The following XPC variants were observed in gnomAD, a reference collection of about 807,000 sequenced individuals.
XPC encodes the protein DNA repair protein complementing XP-C cells.
Under a neutral mutation model 95.8 loss-of-function variants are expected in XPC, and 76 were observed. The observed-to-expected ratio is 0.79, with a 90% CI of 0.66 to 0.96. The LOEUF (loss-of-function observed/expected upper bound fraction) is 0.96. Among genes scored for constraint, XPC ranks in the 40% least tolerant of loss-of-function variants. The pLI, the probability that XPC is intolerant of heterozygous loss-of-function variation, is 0.00. For missense variants in XPC, 1,146 were observed against 1,179.8 expected, an observed-to-expected ratio of 0.97 and a Z score of 0.42; for synonymous variants, 442 against 442.1, an observed-to-expected ratio of 1.00 and a Z score of 0.00.
At chr3:14,152,791 G>A (rs1695748925) in intron 10 of XPC, 2 of 188,124 alleles carry the variant, frequency 1.1e-5, no homozygotes, top group Non-Finnish European at 2.2e-5. Context: ...ACCACCAAGC[G>A]AACACCTGCT....
At position 14,164,798 on chromosome 3, in the gene XPC, G is replaced by A. The variant is rs369688225; in HGVS notation, c.900+15C>T. On this transcript the variant is annotated intron_variant, in intron 7 of 15. Transcript: ENST00000285021. ...CAGTACTGATAAAAAACAGTGATCCGGGAGGATCACTTACATGGACCAATT... is the reference window on the plus strand; with the variant it reads ...CAGTACTGATAAAAAACAGTGATCCAGGAGGATCACTTACATGGACCAATT... The A allele has an allele frequency of 3.9e-4, 633 of 1,610,182 alleles. 1 individual carries two copies. Among genetic ancestry groups the A allele is most frequent in the Middle Eastern group, 5.0e-4 (3 of 6,046 alleles).
rs1208395215 is a variant in XPC at position 14,145,296 on chromosome 3, T to C, written c.*645A>G. On this transcript the variant is annotated 3_prime_UTR_variant, in exon 16 of 16. Transcript: ENST00000285021. ...ACATTTCCTTAATTTTCAATTCGTA[T>C]TTTTCCTTTTCTTTCCTGATTTTAG... The C allele has an allele frequency of 5.7e-6, 4 of 698,144 alleles. No individual in the cohort carries two copies. Among genetic ancestry groups the C allele is most frequent in the Non-Finnish European group, 7.8e-6 (3 of 383,908 alleles). 43.2% of individuals were successfully genotyped at this position (698,144 alleles called of 1,614,324 possible). A position where few individuals can be genotyped will look rare whatever the true frequency, so the allele number is the denominator to read the frequency against.
In XPC at chr3:14,168,560, T is replaced by C. The variant is rs554635134; in HGVS notation, c.413-180A>G. On this transcript the variant is annotated intron_variant, in intron 3 of 15. Coordinates refer to ENST00000285021, the MANE Select transcript of XPC (RefSeq NM_004628.5). ...TCCTACCATGTGCCGGGCAGTGTGC[T>C]GAGTGTTATATATTCGTGTGTCTCA... Among the ~76,000 whole-genome samples the C allele has an allele frequency of 1.4e-4, 22 of 152,152 alleles. 1 individual carries two copies. The South Asian group carries it at 4.6e-3, about 32-fold the overall frequency.
chr3:14,156,595 G>C, intron 9 of XPC, 100 bp from the exon 10 acceptor site: 2 of 1,534,514 alleles, frequency 1.3e-6, no homozygotes, highest in South Asian at 1.2e-5. Flanking sequence ...ACAACAGATG[G>C]TGGAGCCAAG....
Position 14,159,768 on chromosome 3 carries a change from T to C in XPC, c.963A>G (p.Pro321=). ...LLTRLVLSLQ[P]IPLKSATAKG... ...TTGCTGTTGCTGACTTCAGAGGAAT[T>C]GGCTGTAGAGACAATACCAGCCGGG... The change falls in exon 8 of 16, where the codon CCA becomes CCG. Residue 321 remains proline (P), a synonymous_variant. Coordinates refer to ENST00000285021, the MANE Select transcript of XPC (RefSeq NM_004628.5). 6.4e-7 allele frequency: 1 copy of C among 1,563,938 alleles called. No homozygotes were observed. Among genetic ancestry groups the C allele is most frequent in the Non-Finnish European group, 8.7e-7 (1 of 1,153,824 alleles).
At chr3:14,161,090 G>T (rs988132346) in intron 7 of XPC, among the ~76,000 whole-genome samples, 1 of 152,138 alleles carries the variant, frequency 6.6e-6, no homozygotes, top group Non-Finnish European at 1.5e-5. Flanking sequence ...ATAACATAGA[G>T]AAAATGGACA....
chr3:14,149,768 G>C (rs536098105), intron 11 of XPC: 1 of 152,340 alleles, frequency 6.6e-6, no homozygotes, highest in South Asian at 2.1e-4. Context: ...CCTATCTTCA[G>C]TGCTTTATAT....
chr3:14,168,202 G>A, intron 4 of XPC, 55 bp downstream of exon 4: 1 of 1,550,624 alleles, frequency 6.4e-7, no homozygotes, highest in Non-Finnish European at 8.7e-7. Context: ...CTCCTAAGCA[G>A]CAGCTGTTGC....
chr3:14,145,715 A>C lies in XPC; in HGVS notation c.*226T>G. On this transcript the variant is annotated 3_prime_UTR_variant, in exon 16 of 16. Transcript: ENST00000285021. ...GGGCTTTGGTAGCAAAAAGCTTTGA[A>C]GGCTTCACCCTGGGTGAATCTGACA... 1.4e-6 allele frequency: 1 copy of C among 705,862 alleles called. No homozygotes were observed. Among genetic ancestry groups the C allele is most frequent in the East Asian group, 2.7e-5 (1 of 37,260 alleles). The allele number at this position is 705,862 out of a possible 1,614,324, so 43.7% of individuals were successfully genotyped here.
intron 7 of XPC, among the ~76,000 whole-genome samples, chr3:14,161,493 G>C (rs971160277): frequency 6.6e-6 from 1 of 151,076 alleles, no homozygotes; most frequent in Non-Finnish European, 1.5e-5. Context: ...CTTATCCTAG[G>C]AATGCAAGGA....
At chr3:14,177,092 TA>T (rs1696851631) in intron 1 of XPC, among the ~76,000 whole-genome samples, 1 of 122,678 alleles carries the variant, frequency 8.2e-6, no homozygotes, top group Non-Finnish European at 1.9e-5. Flanking sequence ...TCGAAAAAAA[TA>T]AAAAATAAAT....
rs1288380946 is a variant in XPC, at chr3:14,158,251, A to G, written c.1632T>C (p.Cys544=). The G allele has an allele frequency of 1.2e-6, 2 of 1,613,982 alleles. No individual in the cohort carries two copies. The highest frequency in any genetic ancestry group is 1.1e-5 in the South Asian group (1 of 91,086). Residue 544 remains cysteine, a synonymous_variant, in exon 9 of 16, where the codon TGT becomes TGC. Coordinates refer to ENST00000285021, the MANE Select transcript of XPC (RefSeq NM_004628.5). The surrounding 1 kb of genome is among the most constrained non-coding windows in gnomAD (Gnocchi z 5.2). ...VFCEQEEKWV[C]VDCVHGVVGQ... ...CCACCACACCGTGCACACAGTCTAC[A>G]CATACCCACTTTTCCTCCTGCTCAC...
In XPC at chr3:14,167,958, G is replaced by A. The variant is rs115410801; in HGVS notation, c.536+299C>T. Among the ~76,000 whole-genome samples, 1,186 of 152,288 alleles carry A rather than the reference G, an allele frequency of 7.8e-3. 20 individuals carry two copies. The highest frequency in any genetic ancestry group is 0.024 in the African/African-American group (982 of 41,554). Reference sequence around the variant, plus strand: ...AGTGACTCTTGAAACGTTACTTAGCGTCTGAACGTTACTTAGCTCCTCATT... The same window carrying A: ...AGTGACTCTTGAAACGTTACTTAGCATCTGAACGTTACTTAGCTCCTCATT... On this transcript the variant is annotated intron_variant, in intron 4 of 15. Coordinates refer to ENST00000285021, the MANE Select transcript of XPC (RefSeq NM_004628.5).
chr3:14,175,365 C>T (rs1445821905), intron 1 of XPC, among the ~76,000 whole-genome samples: 1 of 152,150 alleles, frequency 6.6e-6, no homozygotes, highest in Non-Finnish European at 1.5e-5. Flanking sequence ...TCTATAGAAG[C>T]ATTTTCTGCT....
At position 14,158,861 on chromosome 3, in the gene XPC, G is replaced by A. The variant is rs192285219; in HGVS notation, c.1022C>T (p.Ala341Val). ...GKKPSKERLT[A>V]DPGGSSETSS... is the part of the protein sequence containing the mutation. ...AGTTTCTGAGGAGCCTCCTGGATCC[G>A]CAGTCAATCTTTCCTTGGAAGGTTT... The change falls in exon 9 of 16, where the codon GCG becomes GTG. Residue 341 changes from alanine (A) to valine (V), a missense_variant. Transcript: ENST00000285021. The surrounding 1 kb of genome is among the most constrained non-coding windows in gnomAD (Gnocchi z 5.2). 5.7e-5 allele frequency: 92 copies of A among 1,613,912 alleles called. No homozygotes were observed. In the Admixed American group the frequency reaches 1.2e-3, roughly 22 times the overall value.
At chr3:14,163,353 A>T (rs1003681205) in intron 7 of XPC, among the ~76,000 whole-genome samples, 1 of 152,222 alleles carries the variant, frequency 6.6e-6, no homozygotes, top group Non-Finnish European at 1.5e-5. Flanking sequence ...AAACTAACTA[A>T]ATGTCTGCCA....
Position 14,175,193 on chromosome 3 carries a change from C to T in XPC, c.104-2131G>A, listed in dbSNP as rs560011526. Among the ~76,000 whole-genome samples, 8 of 152,256 alleles carry T rather than the reference C, an allele frequency of 5.3e-5. No individual in the cohort carries two copies. In the East Asian group the frequency reaches 1.5e-3, roughly 29 times the overall value. ...CCTAAGAGTGTTTAAACACACTGTT[C>T]TCTCTGCCTAGAACTCTTTTCCCCA... is the stretch of plus-strand genomic sequence containing the variant. On this transcript the variant is annotated intron_variant, in intron 1 of 15. Transcript: ENST00000285021.
chr3:14,158,430 T>C lies in XPC; in HGVS notation c.1453A>G (p.Arg485Gly). 1 of 1,613,874 alleles carries C rather than the reference T, an allele frequency of 6.2e-7. No homozygotes were observed. The highest frequency in any genetic ancestry group is 8.5e-7 in the Non-Finnish European group (1 of 1,179,828). ...RTKAGSKSAS[R>G]THRGSHRKDP... Reference sequence around the variant, plus strand: ...TTACGATGGCTCCCACGATGGGTCCTGGAGGCACTCTTGGACCCAGCCTTT... The same window carrying C: ...TTACGATGGCTCCCACGATGGGTCCCGGAGGCACTCTTGGACCCAGCCTTT... Residue 485 changes from arginine to glycine, a missense_variant, in exon 9 of 16, where the codon AGG becomes GGG. By Grantham distance (125) the Arg-to-Gly change is moderately radical. Transcript: ENST00000285021. This position sits in a 1 kb window ranked among gnomAD's most constrained non-coding sequence, Gnocchi z 5.2.
At chr3:14,174,888 T>TTAGGGACCAAA (rs1303704288) in intron 1 of XPC, among the ~76,000 whole-genome samples, 1 of 152,042 alleles carries the variant, frequency 6.6e-6, no homozygotes, top group East Asian at 1.9e-4. Flanking sequence ...ATCTAGAGAC[T>TTAGGGACCAAA]CTTTTCCAGG....
Sources: gnomAD v4.1 joint callset for allele counts (sites outside exome capture counted in the v4.1 genomes callset) on GRCh38, gnomAD v4.1.1 for gene constraint, Gnocchi (gnomAD v3.1) non-coding constraint, MANE v1.5 for transcripts, NCBI Gene and HGNC (gene_info 2026-07-23, HGNC 2026-07-21) for gene names.